Variants in GLIS3 observed in about 807,000 individuals in gnomAD.
GLIS3 encodes zinc finger protein GLIS3.
Under a neutral mutation model 78.6 loss-of-function variants are expected in GLIS3, and 53 were observed. The ratio of observed to expected loss-of-function variants is 0.67; its 90% confidence interval spans 0.54 to 0.85. GLIS3 has a LOEUF of 0.85. Among genes scored for constraint, GLIS3 ranks in the 40% least tolerant of loss-of-function variants. The pLI, the probability that GLIS3 is intolerant of heterozygous loss-of-function variation, is 0.00. For synonymous variants in GLIS3, 684 were observed against 509.9 expected, an observed-to-expected ratio of 1.34 and a Z score of -4.60; for missense variants, 1,703 against 1,231.1, an observed-to-expected ratio of 1.38 and a Z score of -5.74.
chr9:4,117,665 C>T, intron 4 of GLIS3, 103 bp downstream of exon 4: 1 of 1,285,002 alleles, frequency 7.8e-7, no homozygotes, highest in South Asian at 1.2e-5. Context: ...ATACCTAGAC[C>T]CCCACGCATG....
At chr9:4,278,254 C>G (rs1038855927) in intron 2 of GLIS3, among the ~76,000 whole-genome samples, 3 of 152,174 alleles carry the variant, frequency 2.0e-5, no homozygotes, top group African/African-American at 7.2e-5. Context: ...GGCTTACAAG[C>G]AATGACATCC....
chr9:4,219,739 G>A (rs2131326594), intron 2 of GLIS3, among the ~76,000 whole-genome samples: 1 of 152,332 alleles, frequency 6.6e-6, no homozygotes, highest in African/African-American at 2.4e-5. Context: ...CAACTGAGCT[G>A]GGAGGAAGTG....
chr9:4,262,840 G>A (rs1195384690), intron 2 of GLIS3, among the ~76,000 whole-genome samples: 1 of 150,880 alleles, frequency 6.6e-6, no homozygotes, highest in African/African-American at 2.4e-5. Flanking sequence ...TTCACCGAAA[G>A]GAATGTAGTG....
chr9:3,911,196 C>G (rs1471919792), intron 6 of GLIS3, among the ~76,000 whole-genome samples: 4 of 152,074 alleles, frequency 2.6e-5, no homozygotes, highest in African/African-American at 9.7e-5. Context: ...CTACGCTAGG[C>G]CCAGGAGATA....
At chr9:4,458,135 G>A in the GLIS3 span, among the ~76,000 whole-genome samples, 2 of 151,996 alleles carry the variant, frequency 1.3e-5, no homozygotes, top group African/African-American at 4.8e-5. Context: ...CCTGATCTCT[G>A]CCCTCCTGTC....
At chr9:4,404,037 T>C in the GLIS3 span, among the ~76,000 whole-genome samples, 3 of 151,880 alleles carry the variant, frequency 2.0e-5, no homozygotes, top group Non-Finnish European at 4.4e-5. Flanking sequence ...AAAAAGATAA[T>C]CCACGACAAT....
At chr9:4,184,510 G>C (rs886508873) in intron 2 of GLIS3, among the ~76,000 whole-genome samples, 1 of 152,154 alleles carries the variant, frequency 6.6e-6, no homozygotes, top group African/African-American at 2.4e-5. Flanking sequence ...ACTGAGGAGC[G>C]CCTAGTCCTC....
chr9:3,982,818 A>G (rs1224169469), intron 4 of GLIS3, among the ~76,000 whole-genome samples: 1 of 152,206 alleles, frequency 6.6e-6, no homozygotes, highest in Non-Finnish European at 1.5e-5. Context: ...CCTATATGGA[A>G]GGCTTCAGGC....
chr9:4,055,900 C>A (rs568653334), intron 4 of GLIS3, among the ~76,000 whole-genome samples: 1 of 152,034 alleles, frequency 6.6e-6, no homozygotes, highest in Non-Finnish European at 1.5e-5. Flanking sequence ...GAATGAACAT[C>A]GATGGCAGTG....
At chr9:4,178,515 A>C (rs762811596) in intron 2 of GLIS3, among the ~76,000 whole-genome samples, 18 of 152,244 alleles carry the variant, frequency 1.2e-4, no homozygotes, top group Non-Finnish European at 2.1e-4. Flanking sequence ...GCTGAATACA[A>C]ATAGTTACAG....
At chr9:4,097,198 C>T (rs1194297297) in intron 4 of GLIS3, among the ~76,000 whole-genome samples, 2 of 152,142 alleles carry the variant, frequency 1.3e-5, no homozygotes, top group Admixed American at 1.3e-4. Context: ...TTTCTTCCAT[C>T]TGCCTGCCAC....
intron 4 of GLIS3, among the ~76,000 whole-genome samples, chr9:3,991,508 A>G (rs72685676): frequency 0.049 from 7,453 of 152,152 alleles, 213 homozygotes; most frequent in Non-Finnish European, 0.072. Context: ...GAAAAATTAA[A>G]CACGTCTCGG....
intron 2 of GLIS3, among the ~76,000 whole-genome samples, chr9:4,253,643 G>C (rs116416827): frequency 6.6e-6 from 1 of 152,112 alleles, no homozygotes; most frequent in Non-Finnish European, 1.5e-5. Context: ...CGTTCCATGT[G>C]CCACTGAGGT....
At chr9:4,432,307 C>G in the GLIS3 span, among the ~76,000 whole-genome samples, 1 of 152,094 alleles carries the variant, frequency 6.6e-6, no homozygotes, top group Non-Finnish European at 1.5e-5. Context: ...TTTAATTGAT[C>G]AGGAAAGGCC....
At chr9:4,300,240 A>G (rs1227525189), upstream of GLIS3, among the ~76,000 whole-genome samples, 2 of 136,096 alleles carry the variant, frequency 1.5e-5, no homozygotes, top group African/African-American at 2.7e-5. Context: ...ACACACACAC[A>G]CACACACTCC....
At chr9:4,315,684 G>C (rs1204658219) in intron 2 of GLIS3, among the ~76,000 whole-genome samples, 3 of 152,128 alleles carry the variant, frequency 2.0e-5, no homozygotes, top group Non-Finnish European at 2.9e-5. Flanking sequence ...GTGGGGACTG[G>C]AGACAACCTC....
chr9:4,010,910 C>G (rs1821951468), intron 4 of GLIS3, among the ~76,000 whole-genome samples: 1 of 152,130 alleles, frequency 6.6e-6, no homozygotes, highest in South Asian at 2.1e-4. Context: ...TAATCACGCA[C>G]TGGTATGTAT....
At chr9:4,331,514 C>G (rs1563935770) in intron 2 of GLIS3, among the ~76,000 whole-genome samples, 1 of 152,178 alleles carries the variant, frequency 6.6e-6, no homozygotes, top group Non-Finnish European at 1.5e-5. Context: ...ATTTCAACAG[C>G]TCATGACACT....
chr9:4,195,312 G>A (rs1447771331), intron 2 of GLIS3, among the ~76,000 whole-genome samples: 1 of 152,184 alleles, frequency 6.6e-6, no homozygotes, highest in African/African-American at 2.4e-5. Context: ...AGGCGCGGGT[G>A]GGAACTGGGG....
Sources: allele counts gnomAD v4.1 joint callset (sites outside exome capture counted in the v4.1 genomes callset), GRCh38; gene constraint gnomAD v4.1.1; transcripts MANE v1.5; gene names NCBI Gene and HGNC (gene_info 2026-07-23, HGNC 2026-07-21).